NALF1: variants seen among roughly 807,000 people sequenced by gnomAD.
The protein encoded by NALF1 is family with sequence similarity 155 member A.
Under a neutral mutation model 48.4 loss-of-function variants are expected in NALF1, and 3 were observed. The ratio of observed to expected loss-of-function variants is 0.06; its 90% CI spans 0.03 to 0.16. The LOEUF is 0.16. Among genes scored for constraint, NALF1 ranks in the 10% least tolerant of loss-of-function variants. The probability of loss-of-function intolerance (pLI) is 1.00; values close to 1 mark genes in which losing one functional copy is unlikely to be tolerated. For missense variants in NALF1, 526 were observed against 571.5 expected, an observed-to-expected ratio of 0.92 and a Z score of 0.81; for synonymous variants, 262 against 245.7, an observed-to-expected ratio of 1.07 and a Z score of -0.62.
At chr13:107,196,694 A>T (rs1386283054) in intron 2 of NALF1, among the ~76,000 whole-genome samples, 2 of 152,100 alleles carry the variant, frequency 1.3e-5, no homozygotes, top group South Asian at 2.1e-4. Context: ...ATGGTGGGGG[A>T]GATGGGGAGA....
At chr13:107,388,637 G>A (rs1034580466) in intron 1 of NALF1, among the ~76,000 whole-genome samples, 7 of 152,130 alleles carry the variant, frequency 4.6e-5, no homozygotes, top group Admixed American at 4.6e-4. Context: ...AGACACTGCA[G>A]GTTTTCCAAT....
At chr13:107,387,346 C>T (rs1313032869) in intron 1 of NALF1, among the ~76,000 whole-genome samples, 1 of 152,140 alleles carries the variant, frequency 6.6e-6, no homozygotes, top group Non-Finnish European at 1.5e-5. Flanking sequence ...GTTCAACCCC[C>T]ATTACACAGC....
intron 1 of NALF1, among the ~76,000 whole-genome samples, chr13:107,721,699 A>G (rs535182259): frequency 6.6e-6 from 1 of 152,198 alleles, no homozygotes; most frequent in Non-Finnish European, 1.5e-5. Flanking sequence ...CCAGGGAGGG[A>G]TGGACGCTGG....
intron 1 of NALF1, among the ~76,000 whole-genome samples, chr13:107,575,980 ATGTG>A (rs970399857): frequency 2.6e-5 from 3 of 116,272 alleles, no homozygotes; most frequent in Admixed American, 9.3e-5. Context: ...GTGTGTGCAT[ATGTG>A]TGTGTGCATG....
intron 1 of NALF1, among the ~76,000 whole-genome samples, chr13:107,513,898 C>A (rs1443831449): frequency 1.3e-5 from 2 of 152,180 alleles, no homozygotes; most frequent in Non-Finnish European, 2.9e-5. Context: ...CAAAAGGTAT[C>A]CATCCCTCCT....
At chr13:107,330,597 A>C (rs1882450919) in intron 1 of NALF1, among the ~76,000 whole-genome samples, 1 of 152,266 alleles carries the variant, frequency 6.6e-6, no homozygotes, top group Admixed American at 6.5e-5. Context: ...TGTTTCAAAT[A>C]CAGAATTATC....
chr13:107,229,368 C>G (rs561338988), intron 1 of NALF1, among the ~76,000 whole-genome samples: 17 of 152,274 alleles, frequency 1.1e-4, no homozygotes, highest in African/African-American at 4.1e-4. Flanking sequence ...AAGGAAGTTT[C>G]ATTATGTCAG....
At chr13:107,376,140 GCCT>G (rs1409462056) in intron 1 of NALF1, among the ~76,000 whole-genome samples, 3 of 152,200 alleles carry the variant, frequency 2.0e-5, no homozygotes, top group Non-Finnish European at 4.4e-5. Flanking sequence ...AGGAAATAAG[GCCT>G]CCTGCCAACA....
intron 2 of NALF1, among the ~76,000 whole-genome samples, chr13:107,197,968 A>G (rs1879428456): frequency 6.6e-6 from 1 of 152,358 alleles, no homozygotes; most frequent in Admixed American, 6.5e-5. Context: ...TAAAAGTATT[A>G]GTCTATATTT....
Position 107,865,917 on chromosome 13 carries a change from T to A in NALF1, c.680A>T (p.Asn227Ile). 1 of 1,613,788 alleles carries A rather than the reference T, an allele frequency of 6.2e-7. No homozygotes were observed. The highest frequency in any genetic ancestry group is 8.5e-7 in the Non-Finnish European group (1 of 1,179,952). Residue 227 changes from asparagine (N) to isoleucine (I), a missense_variant, in exon 1 of 3, where the codon AAT (asparagine) becomes ATT (isoleucine). By Grantham distance (149) the Asn-to-Ile change is moderately radical. Transcript: ENST00000375915. ...GAACAACTCCCAAAGTGTGTAGGAA[T>A]TACAAAACGAAAGGTAAAAATCCGA... ...NLSDFYLSFCNSYTLWELFSG... is the reference protein window; with the variant it reads ...NLSDFYLSFCISYTLWELFSG...
chr13:107,724,150 G>C (rs548386984), intron 1 of NALF1, among the ~76,000 whole-genome samples: 77 of 152,100 alleles, frequency 5.1e-4, no homozygotes, highest in Middle Eastern at 3.4e-3. Flanking sequence ...ATAAACTGAA[G>C]ACTATTTTTT....
chr13:107,242,138 C>G (rs1880483703), intron 1 of NALF1, among the ~76,000 whole-genome samples: 1 of 152,198 alleles, frequency 6.6e-6, no homozygotes, highest in African/African-American at 2.4e-5. Flanking sequence ...GTTTCCTATC[C>G]AGCATTCCCA....
At chr13:107,834,532 G>A (rs1233303982) in intron 1 of NALF1, among the ~76,000 whole-genome samples, 1 of 152,188 alleles carries the variant, frequency 6.6e-6, no homozygotes, top group Non-Finnish European at 1.5e-5. Context: ...AATTAATGAT[G>A]CAATAAAGGG....
intron 1 of NALF1, among the ~76,000 whole-genome samples, chr13:107,384,103 A>C (rs1883485678): frequency 6.6e-6 from 1 of 152,158 alleles, no homozygotes; most frequent in Admixed American, 6.5e-5. Flanking sequence ...TCTTTAAAAA[A>C]TTAGCCAGGC....
At chr13:107,794,218 A>AGAACAGCTGC (rs1218443912) in intron 1 of NALF1, among the ~76,000 whole-genome samples, 1 of 152,182 alleles carries the variant, frequency 6.6e-6, no homozygotes, top group Non-Finnish European at 1.5e-5. Context: ...ATGAAGAACA[A>AGAACAGCTGC]GAACAGCTGC....
chr13:107,628,652 CAAATCTTACTAAA>C (rs939788241), intron 1 of NALF1, among the ~76,000 whole-genome samples: 2 of 152,142 alleles, frequency 1.3e-5, no homozygotes, highest in African/African-American at 2.4e-5. Flanking sequence ...CGCCAATTCC[CAAATCTTACTAAA>C]AACAAAAAAT....
At chr13:107,864,954 A>T (rs1417555431) in intron 1 of NALF1, among the ~76,000 whole-genome samples, 2 of 152,264 alleles carry the variant, frequency 1.3e-5, no homozygotes. Context: ...TCTGGAAAGC[A>T]TACTGAAAAT....
At chr13:107,527,446 C>T (rs1301019493) in intron 1 of NALF1, among the ~76,000 whole-genome samples, 7 of 152,044 alleles carry the variant, frequency 4.6e-5, no homozygotes, top group Non-Finnish European at 8.8e-5. Context: ...AACAGTAAAA[C>T]GTTTTAATTA....
At chr13:107,228,438 T>A (rs1027943986) in intron 1 of NALF1, among the ~76,000 whole-genome samples, 1 of 152,166 alleles carries the variant, frequency 6.6e-6, no homozygotes, top group African/African-American at 2.4e-5. Flanking sequence ...AAAAGGCACC[T>A]AGAAGTTCAA....
Sources: allele counts gnomAD v4.1 joint callset (sites outside exome capture counted in the v4.1 genomes callset), GRCh38; gene constraint gnomAD v4.1.1; transcripts MANE v1.5; gene names NCBI Gene and HGNC (gene_info 2026-07-23, HGNC 2026-07-21).